Variants in ATP2C1 observed in about 807,000 individuals in gnomAD.
ATP2C1 encodes ATPase secretory pathway Ca2+ transporting 1.
A neutral mutation model predicts 120.5 loss-of-function variants in ATP2C1; 31 were observed. The ratio of observed to expected loss-of-function variants is 0.26; its 90% CI spans 0.19 to 0.35. ATP2C1 has a LOEUF of 0.35. Ranked by LOEUF, ATP2C1 falls within the 10% of genes least tolerant of loss-of-function variation. ATP2C1 has a pLI of 1.00. For missense variants in ATP2C1, 731 were observed against 1,107.5 expected (o/e 0.66, Z 4.83); for synonymous variants, 351 against 358.7 (o/e 0.98, Z 0.24).
chr3:130,904,431 G>A (rs2058031855), intron 2 of ATP2C1, among the ~76,000 whole-genome samples: 1 of 151,790 alleles, frequency 6.6e-6, no homozygotes, highest in Non-Finnish European at 1.5e-5. Context: ...CTCAATATGG[G>A]GTTGTCAGAT....
intron 2 of ATP2C1, among the ~76,000 whole-genome samples, chr3:130,911,646 G>A (rs1219767954): frequency 6.6e-6 from 1 of 152,166 alleles, no homozygotes; most frequent in East Asian, 1.9e-4. Context: ...TGGGTAGGAA[G>A]AATCAATATT....
chr3:130,877,679 C>G (rs1379084455), intron 1 of ATP2C1, among the ~76,000 whole-genome samples: 1 of 152,040 alleles, frequency 6.6e-6, no homozygotes, highest in Non-Finnish European at 1.5e-5. Context: ...AACACTTTTA[C>G]ACTGTTGGTG....
At chr3:131,014,438 C>T (rs2063491323) in intron 26 of ATP2C1, 3 of 1,500,492 alleles carry the variant, frequency 2.0e-6, no homozygotes, top group Non-Finnish European at 2.7e-6. Context: ...TTCAGTGCAA[C>T]AGGATAACTA....
rs778339531 is a variant in ATP2C1, at chr3:130,932,068, G to A, written c.164G>A (p.Arg55Gln). ...AACAAATGTGAAGTTAGTCATAGGC[G>A]AGCCTTTCATGGCTGGAATGAGTTT... is the stretch of plus-strand genomic sequence containing the variant. ...GLNKCEVSHR[R>Q]AFHGWNEFDI... The change falls in exon 4 of 28, where the codon CGA (arginine) becomes CAA (glutamine). Residue 55 changes from arginine (R) to glutamine (Q), a missense_variant. By Grantham distance (43) the Arg-to-Gln change is conservative (BLOSUM62 1). Coordinates refer to ENST00000510168, the MANE Select transcript of ATP2C1 (RefSeq NM_001378687.1). The A allele has an allele frequency of 5.6e-6, 9 of 1,612,920 alleles. No homozygotes were observed. Among genetic ancestry groups the A allele is most frequent in the Non-Finnish European group, 6.8e-6 (8 of 1,179,168 alleles).
Position 130,979,412 on chromosome 3 carries a change from T to TG in ATP2C1, c.1735dup (p.Ala579GlyfsTer43). 1 of 1,613,354 alleles carries TG rather than the reference T, an allele frequency of 6.2e-7. No homozygotes were observed. The highest frequency in any genetic ancestry group is 8.5e-7 in the Non-Finnish European group (1 of 1,179,508). ...CTGGAGATTCACAGGAGACTGCAGT[T>TG]GCAATCGGTATAACTAGACTGCTTT... On this transcript the variant is annotated frameshift_variant, in exon 19 of 28. Coordinates refer to ENST00000510168, the MANE Select transcript of ATP2C1 (RefSeq NM_001378687.1). LOFTEE classifies it high-confidence loss of function.
Position 130,997,691 on chromosome 3 carries a change from C to T in ATP2C1, c.2329C>T (p.Leu777Phe), listed in dbSNP as rs761914684. The change falls in exon 25 of 28, where the codon CTT (leucine) becomes TTT (phenylalanine). Residue 777 changes from leucine (L) to phenylalanine (F), a missense_variant. Around this residue, in one of 3 missense-constraint regions of ATP2C1, gnomAD observed 141 missense variants for 201.6 expected, o/e 0.70. Transcript: ENST00000510168. ...CAGCATTTTGACTAAAAACTTGATA[C>T]TTAAAATACTTGTTTCATCAATAAT... is the stretch of plus-strand genomic sequence containing the variant. Reference protein sequence around the residue: ...KDSILTKNLILKILVSSIIIV... With the variant: ...KDSILTKNLIFKILVSSIIIV... 7 of 1,613,582 alleles carry T rather than the reference C, an allele frequency of 4.3e-6. No individual in the cohort carries two copies. In the African/African-American group the frequency reaches 8.0e-5, roughly 18 times the overall value.
At chr3:130,911,724 C>A (rs1271644890) in intron 2 of ATP2C1, among the ~76,000 whole-genome samples, 1 of 152,002 alleles carries the variant, frequency 6.6e-6, no homozygotes, top group African/African-American at 2.4e-5. Flanking sequence ...CTACCGATGA[C>A]TTTCTTCACA....
At chr3:130,998,262 T>G in intron 25 of ATP2C1, 32 bp from the exon 26 acceptor site, 2 of 1,448,816 alleles carry the variant, frequency 1.4e-6, no homozygotes, top group Non-Finnish European at 1.9e-6. Context: ...ATTCAGCCAC[T>G]GAAAAGTAAT....
intron 8 of ATP2C1, among the ~76,000 whole-genome samples, chr3:130,946,687 A>G (rs2669858): frequency 0.18 from 26,808 of 152,254 alleles, 2,525 homozygotes; most frequent in Middle Eastern, 0.24. Context: ...CATTTACTCA[A>G]TGAAAAAATA....
At chr3:130,863,319 CA>C (rs1344903334) in intron 1 of ATP2C1, among the ~76,000 whole-genome samples, 1 of 152,012 alleles carries the variant, frequency 6.6e-6, no homozygotes. Context: ...CATTTATATT[CA>C]AAAAAGAATT....
At chr3:130,983,416 C>T (rs1333429316) in intron 20 of ATP2C1, among the ~76,000 whole-genome samples, 2 of 152,178 alleles carry the variant, frequency 1.3e-5, no homozygotes, top group Admixed American at 1.3e-4. Flanking sequence ...CACAGTTCCT[C>T]TTCATATTAA....
At chr3:130,944,670 T>A (rs1239473408) in intron 8 of ATP2C1, among the ~76,000 whole-genome samples, 1 of 152,234 alleles carries the variant, frequency 6.6e-6, no homozygotes, top group East Asian at 1.9e-4. Flanking sequence ...TGTAACAGGT[T>A]GAGACTGCCA....
chr3:130,868,348 C>T (rs1169816445), intron 1 of ATP2C1: 4 of 133,808 alleles, frequency 3.0e-5, no homozygotes, highest in African/African-American at 8.2e-5. Flanking sequence ...CTCTGCCCGG[C>T]CAGTCGCCCC....
At chr3:130,891,666 A>G (rs142007322), upstream of ATP2C1, among the ~76,000 whole-genome samples, 1,072 of 152,264 alleles carry the variant, frequency 7.0e-3, 18 homozygotes, top group African/African-American at 0.025. Context: ...TTCTCTCTAT[A>G]ATAATCTTAT....
intron 1 of ATP2C1, among the ~76,000 whole-genome samples, chr3:130,870,437 T>C (rs2068394528): frequency 6.6e-6 from 1 of 152,196 alleles, no homozygotes; most frequent in Non-Finnish European, 1.5e-5. Flanking sequence ...TTCACCATTC[T>C]AGGTGTCACT....
At chr3:130,991,911 A>G (rs1389773077) in intron 20 of ATP2C1, among the ~76,000 whole-genome samples, 1 of 152,184 alleles carries the variant, frequency 6.6e-6, no homozygotes, top group Non-Finnish European at 1.5e-5. Flanking sequence ...GGCTAGAGAA[A>G]GGGGATAGAT....
Position 130,967,002 on chromosome 3 carries a change from A to T in ATP2C1, c.1123-143A>T, listed in dbSNP as rs218497. ...AATGTCCTTTTTAAAGACAAATTTTAATGCTTTTCTAGGTGAACACTTTTA... is the reference window on the plus strand; with the variant it reads ...AATGTCCTTTTTAAAGACAAATTTTTATGCTTTTCTAGGTGAACACTTTTA... On this transcript the variant is annotated intron_variant, in intron 14 of 27. Coordinates refer to ENST00000510168, the MANE Select transcript of ATP2C1 (RefSeq NM_001378687.1). The T allele has an allele frequency of 0.54, 378,009 of 703,896 alleles. 107,126 individuals are homozygous for T. Among genetic ancestry groups the T allele is most frequent in the Middle Eastern group, 0.65 (1,657 of 2,534 alleles). 43.6% of individuals were successfully genotyped at this position (703,896 alleles called of 1,614,324 possible). A position where few individuals can be genotyped will look rare whatever the true frequency, so the allele number is the denominator to read the frequency against.
chr3:130,880,708 A>G (rs1380786565), intron 1 of ATP2C1, among the ~76,000 whole-genome samples: 2 of 152,196 alleles, frequency 1.3e-5, no homozygotes, highest in Non-Finnish European at 2.9e-5. Flanking sequence ...TCTATTTCAA[A>G]AACCATCTCA....
chr3:130,962,717 A>T (rs2060876158), intron 12 of ATP2C1, among the ~76,000 whole-genome samples: 1 of 4,742 alleles, frequency 2.1e-4, no homozygotes, highest in East Asian at 1.1e-3. Context: ...GGAAGCATTA[A>T]AAAAAAAAAA....
Sources: allele counts gnomAD v4.1 joint callset (sites outside exome capture counted in the v4.1 genomes callset), GRCh38; gene constraint gnomAD v4.1.1; regional missense constraint gnomAD v4.1.1; transcripts MANE v1.5; gene names NCBI Gene and HGNC (gene_info 2026-07-23, HGNC 2026-07-21).